Variants in FMN2 observed in about 807,000 individuals in gnomAD.
FMN2 encodes formin 2.
Under a neutral mutation model 142.3 loss-of-function variants are expected in FMN2, and 51 were observed. The ratio of observed to expected loss-of-function variants is 0.36; its 90% CI spans 0.29 to 0.45. FMN2 has a LOEUF of 0.45. Among genes scored for constraint, FMN2 ranks in the 20% least tolerant of loss-of-function variants. The pLI is 1.00. For missense variants in FMN2, 1,936 were observed against 2,122.8 expected, an observed-to-expected ratio of 0.91 and a Z score of 1.73; for synonymous variants, 882 against 869.8, an observed-to-expected ratio of 1.01 and a Z score of -0.25.
intron 3 of FMN2, among the ~76,000 whole-genome samples, chr1:240,185,418 G>A (rs1398964006): frequency 1.3e-5 from 2 of 152,114 alleles, no homozygotes; most frequent in African/African-American, 4.8e-5. Context: ...TCTCTTCTGT[G>A]TTTTAACACA....
chr1:240,440,035 T>C (rs1345881859), intron 16 of FMN2, among the ~76,000 whole-genome samples: 1 of 151,920 alleles, frequency 6.6e-6, no homozygotes, highest in East Asian at 1.9e-4. Context: ...CTCAATGGAG[T>C]GTAGATGGTG....
At chr1:240,460,932 A>T (rs1488051342) in intron 16 of FMN2, among the ~76,000 whole-genome samples, 2 of 152,142 alleles carry the variant, frequency 1.3e-5, no homozygotes, top group Non-Finnish European at 2.9e-5. Context: ...CCTGCTGATT[A>T]TGGGGGTAGA....
Position 240,230,344 on chromosome 1 carries a change from C to A in FMN2, c.4065+19109C>A, listed in dbSNP as rs557283990. Reference sequence around the variant, plus strand: ...CCTGTCTGAAAAACAACAACAACAACAAAAAAACTAACCCAATAGCTTATA... The same window carrying A: ...CCTGTCTGAAAAACAACAACAACAAAAAAAAAACTAACCCAATAGCTTATA... On this transcript the variant is annotated intron_variant, in intron 6 of 17. Coordinates refer to ENST00000319653, the MANE Select transcript of FMN2 (RefSeq NM_020066.5). Among the ~76,000 whole-genome samples the A allele has an allele frequency of 6.9e-4, 89 of 129,224 alleles. 15 individuals are homozygous for A. The highest frequency in any genetic ancestry group is 4.0e-3 in the Admixed American group (55 of 13,702). 84.8% of individuals were successfully genotyped at this position (129,224 alleles called of 152,430 possible).
chr1:240,334,200 A>G lies in FMN2; in HGVS notation c.4736A>G (p.Asp1579Gly). The G allele has an allele frequency of 6.2e-7, 1 of 1,604,840 alleles. No individual in the cohort carries two copies. Among genetic ancestry groups the G allele is most frequent in the Non-Finnish European group, 8.5e-7 (1 of 1,177,714 alleles). Residue 1579 changes from aspartate to glycine, a missense_variant, in exon 13 of 18, where the codon GAT (aspartate) becomes GGT (glycine). By Grantham distance (94) the Asp-to-Gly change is moderately conservative. Around this residue, in one of 8 missense-constraint regions of FMN2, gnomAD observed 322 missense variants for 401.6 expected, o/e 0.80. Transcript: ENST00000319653. The stretch of plus-strand genomic sequence containing the variant: ...ATGAAGTTTGAAGATTTTCAAAAAG[A>G]TCTCAGAAAACTGAAGAAAGACTTG... ...SQMKFEDFQK[D>G]LRKLKKDLKA...
intron 1 of FMN2, among the ~76,000 whole-genome samples, chr1:240,099,910 C>T (rs1252261758): frequency 1.3e-5 from 2 of 152,166 alleles, no homozygotes; most frequent in Non-Finnish European, 2.9e-5. Flanking sequence ...TCCATCATCT[C>T]CTCTCCTACT....
intron 2 of FMN2, among the ~76,000 whole-genome samples, chr1:240,176,714 TA>T (rs1381610228): frequency 6.6e-6 from 1 of 152,222 alleles, no homozygotes; most frequent in African/African-American, 2.4e-5. Flanking sequence ...GTATGCTAAA[TA>T]GCGCAGTTTC....
chr1:240,377,359 T>G (rs1484443009), intron 14 of FMN2, among the ~76,000 whole-genome samples: 2 of 152,144 alleles, frequency 1.3e-5, no homozygotes, highest in African/African-American at 4.8e-5. Flanking sequence ...TTTTGTCTTG[T>G]GTTTGCATAG....
At position 240,198,672 on chromosome 1, in the gene FMN2, A is replaced by G. The variant is rs996069310; in HGVS notation, c.1987-8127A>G. On this transcript the variant is annotated intron_variant, in intron 4 of 17. Coordinates refer to ENST00000319653, the MANE Select transcript of FMN2 (RefSeq NM_020066.5). Reference sequence around the variant, plus strand: ...TTGAAATTTCCCTTTCAAACTTAAAATTGCTTGTATTTTAGTTTTGTGCAA... The same window carrying G: ...TTGAAATTTCCCTTTCAAACTTAAAGTTGCTTGTATTTTAGTTTTGTGCAA... Among the ~76,000 whole-genome samples, 19 of 152,254 alleles carry G rather than the reference A, an allele frequency of 1.2e-4. 1 individual carries two copies. The highest frequency in any genetic ancestry group is 6.8e-3 in the Middle Eastern group (2 of 294).
chr1:240,452,345 GA>G (rs1237368491), intron 16 of FMN2, among the ~76,000 whole-genome samples: 1 of 151,800 alleles, frequency 6.6e-6, no homozygotes, highest in Non-Finnish European at 1.5e-5. Context: ...TAATTAGTCA[GA>G]AAAAAATGGT....
At chr1:240,241,532 G>C (rs981627559) in intron 6 of FMN2, among the ~76,000 whole-genome samples, 2 of 152,114 alleles carry the variant, frequency 1.3e-5, no homozygotes, top group African/African-American at 4.8e-5. Context: ...ATCCCAGCCT[G>C]CCTCTCTGGC....
At chr1:240,438,545 G>A (rs557715387) in intron 16 of FMN2, among the ~76,000 whole-genome samples, 2 of 152,320 alleles carry the variant, frequency 1.3e-5, no homozygotes, top group South Asian at 2.1e-4. Context: ...GCACTTCAAA[G>A]AACAGATAGC....
chr1:240,315,983 G>A (rs918669390), intron 8 of FMN2, among the ~76,000 whole-genome samples: 1 of 152,126 alleles, frequency 6.6e-6, no homozygotes, highest in Non-Finnish European at 1.5e-5. Context: ...TATATATAGG[G>A]TTTTTACATA....
chr1:240,361,879 G>T (rs1017102054), intron 14 of FMN2, among the ~76,000 whole-genome samples: 4 of 152,188 alleles, frequency 2.6e-5, no homozygotes, highest in African/African-American at 9.7e-5. Context: ...GATGGACAGA[G>T]GAAAACCAGG....
chr1:240,120,264 A>T (rs1662179901), intron 1 of FMN2, among the ~76,000 whole-genome samples: 1 of 152,268 alleles, frequency 6.6e-6, no homozygotes, highest in Non-Finnish European at 1.5e-5. Flanking sequence ...TAACTGAAGT[A>T]TAGACTTGGC....
intron 2 of FMN2, among the ~76,000 whole-genome samples, chr1:240,137,558 C>A (rs1662995487): frequency 6.6e-6 from 1 of 152,160 alleles, no homozygotes; most frequent in South Asian, 2.1e-4. Context: ...TTCTTTCTGT[C>A]TCTTACCATG....
chr1:240,147,910 G>C (rs1289574137), intron 2 of FMN2, among the ~76,000 whole-genome samples: 1 of 152,144 alleles, frequency 6.6e-6, no homozygotes, highest in Non-Finnish European at 1.5e-5. Flanking sequence ...ATGAATTTTT[G>C]ATAAGCCAGA....
intron 2 of FMN2, among the ~76,000 whole-genome samples, chr1:240,149,577 G>A (rs901907417): frequency 2.0e-5 from 3 of 152,144 alleles, no homozygotes; most frequent in Non-Finnish European, 4.4e-5. Context: ...TATAGCAACC[G>A]AGGTGCTAAA....
chr1:240,171,091 C>T, intron 2 of FMN2: 1 of 1,439,192 alleles, frequency 6.9e-7, no homozygotes, highest in South Asian at 1.2e-5. Flanking sequence ...TCCATTCCAG[C>T]TGGTAACAGG....
At chr1:240,379,638 C>T (rs148885555) in intron 14 of FMN2, among the ~76,000 whole-genome samples, 16 of 151,994 alleles carry the variant, frequency 1.1e-4, no homozygotes, top group African/African-American at 3.6e-4. Context: ...AGATCAGACT[C>T]CTATACTGCT....
Sources: gnomAD v4.1 joint callset for allele counts (sites outside exome capture counted in the v4.1 genomes callset) on GRCh38, gnomAD v4.1.1 for gene constraint, gnomAD v4.1.1 regional missense constraint, MANE v1.5 for transcripts, NCBI Gene and HGNC (gene_info 2026-07-23, HGNC 2026-07-21) for gene names.